The following SYBU variants were observed in gnomAD, a reference collection of about 807,000 sequenced individuals.
SYBU encodes the protein GOLSYN A protein.
Under a neutral mutation model 35.9 loss-of-function variants are expected in SYBU, and 21 were observed. The ratio of observed to expected loss-of-function variants is 0.58; its 90% CI spans 0.41 to 0.84. The LOEUF is 0.84. Among genes scored for constraint, SYBU ranks in the 40% least tolerant of loss-of-function variants. The pLI is 0.00. For missense variants in SYBU, 768 were observed against 848.2 expected, an observed-to-expected ratio of 0.91 and a Z score of 1.17; for synonymous variants, 319 against 324.3, an observed-to-expected ratio of 0.98 and a Z score of 0.18.
chr8:109,581,671 T>C (rs2131233222), intron 4 of SYBU, among the ~76,000 whole-genome samples: 1 of 152,330 alleles, frequency 6.6e-6, no homozygotes, highest in Middle Eastern at 3.4e-3. Flanking sequence ...CAATTTTAAT[T>C]ACAGCTGTAT....
At chr8:109,616,464 C>T (rs1285682111) in intron 3 of SYBU, among the ~76,000 whole-genome samples, 2 of 152,048 alleles carry the variant, frequency 1.3e-5, no homozygotes, top group Non-Finnish European at 1.5e-5. Flanking sequence ...ATTTTGTTAA[C>T]ATATAATTAT....
At chr8:109,659,074 C>T (rs1228687740) in intron 1 of SYBU, among the ~76,000 whole-genome samples, 2 of 152,142 alleles carry the variant, frequency 1.3e-5, no homozygotes, top group Admixed American at 1.3e-4. Flanking sequence ...GTAGAACTTA[C>T]ATATCATTTC....
chr8:109,670,066 T>C (rs1420648055), intron 1 of SYBU, among the ~76,000 whole-genome samples: 2 of 151,950 alleles, frequency 1.3e-5, no homozygotes, highest in Admixed American at 6.6e-5. Context: ...TATTCTGTTA[T>C]TAGCTGTCAG....
intron 3 of SYBU, among the ~76,000 whole-genome samples, chr8:109,604,161 C>T (rs1202597485): frequency 2.0e-5 from 3 of 151,758 alleles, no homozygotes; most frequent in African/African-American, 7.3e-5. Context: ...AAGGAGCCAT[C>T]TAAAAAATTA....
At chr8:109,612,947 T>A (rs1293177798) in intron 3 of SYBU, among the ~76,000 whole-genome samples, 7 of 135,440 alleles carry the variant, frequency 5.2e-5, no homozygotes, top group African/African-American at 1.9e-4. Flanking sequence ...GCCACTGCAC[T>A]CCAGCCTGGG....
intron 1 of SYBU, among the ~76,000 whole-genome samples, chr8:109,659,663 C>T (rs956277588): frequency 6.6e-6 from 1 of 152,170 alleles, no homozygotes; most frequent in African/African-American, 2.4e-5. Context: ...CTCTCCCACA[C>T]TAAGAACAAT....
At position 109,575,530 on chromosome 8, in the gene SYBU, C is replaced by T; in HGVS notation, c.1368G>A (p.Leu456=). 1.2e-6 allele frequency: 2 copies of T among 1,614,168 alleles called. No individual in the cohort carries two copies. Among genetic ancestry groups the T allele is most frequent in the Non-Finnish European group, 1.7e-6 (2 of 1,180,044 alleles). The change falls in exon 7 of 7, where the codon CTG becomes CTA. Residue 456 remains leucine (L), a synonymous_variant. Coordinates refer to ENST00000276646, the MANE Select transcript of SYBU (RefSeq NM_001099754.2). The part of the protein sequence containing the change: ...VTATTTESGD[L]ELVHSTPGAN... ...CCCCAGGGGTGGAATGCACAAGCTC[C>T]AGGTCACCAGATTCTGTGGTGGTGG...
At chr8:109,633,284 C>T (rs959213432) in intron 2 of SYBU, among the ~76,000 whole-genome samples, 1 of 152,104 alleles carries the variant, frequency 6.6e-6, no homozygotes, top group Non-Finnish European at 1.5e-5. Flanking sequence ...ATCCTAACTG[C>T]CTGGTCACCC....
chr8:109,579,555 C>T (rs1157160945), intron 5 of SYBU, among the ~76,000 whole-genome samples: 1 of 152,060 alleles, frequency 6.6e-6, no homozygotes, highest in Non-Finnish European at 1.5e-5. Context: ...CTCCTGCTGC[C>T]TCTGTGGCAT....
chr8:109,683,217 G>A (rs1415690913), upstream of SYBU, among the ~76,000 whole-genome samples: 1 of 152,188 alleles, frequency 6.6e-6, no homozygotes, highest in Non-Finnish European at 1.5e-5. Flanking sequence ...CTGTGTGCCT[G>A]GAAAAGCCAC....
At position 109,625,985 on chromosome 8, in the gene SYBU, AAAGTT is replaced by A. The variant is rs574174722; in HGVS notation, c.230-6951_230-6947del. ...AAATATTATTTGGTTTACATTTCTTAAAGTTAATTAAAAACAAATTTTGATGTCTT... is the reference window on the plus strand; with the variant it reads ...AAATATTATTTGGTTTACATTTCTTAAATTAAAAACAAATTTTGATGTCTT... On this transcript the variant is annotated intron_variant, in intron 2 of 6. Transcript: ENST00000276646. Among the ~76,000 whole-genome samples the A allele has an allele frequency of 3.3e-5, 5 of 152,346 alleles. No individual in the cohort carries two copies. In the East Asian group the frequency reaches 9.6e-4, roughly 29 times the overall value.
chr8:109,596,198 A>T (rs572487204), intron 3 of SYBU, among the ~76,000 whole-genome samples: 1 of 152,276 alleles, frequency 6.6e-6, no homozygotes, highest in Admixed American at 6.5e-5. Flanking sequence ...ACATTTCATT[A>T]TTTTCTCTAT....
upstream of SYBU, among the ~76,000 whole-genome samples, chr8:109,683,526 A>G (rs1817452976): frequency 6.6e-6 from 1 of 152,090 alleles, no homozygotes; most frequent in Non-Finnish European, 1.5e-5. Flanking sequence ...CTTGCTTTTA[A>G]TTTTGCAGGC....
intron 2 of SYBU, among the ~76,000 whole-genome samples, chr8:109,641,370 G>A (rs73319195): frequency 0.044 from 6,638 of 152,276 alleles, 453 homozygotes; most frequent in African/African-American, 0.15. Context: ...TGTAAGCCAG[G>A]TACCGTGTAA....
chr8:109,621,289 T>C (rs1812371905), intron 2 of SYBU, among the ~76,000 whole-genome samples: 1 of 152,232 alleles, frequency 6.6e-6, no homozygotes, highest in Non-Finnish European at 1.5e-5. Context: ...GATTAAGTGC[T>C]GGGGTCTGGT....
intron 1 of SYBU, among the ~76,000 whole-genome samples, chr8:109,688,517 A>T (rs1817570490): frequency 6.6e-6 from 1 of 152,180 alleles, no homozygotes; most frequent in African/African-American, 2.4e-5. Context: ...CAAAGAAAAA[A>T]CACCCTGATG....
intron 1 of SYBU, among the ~76,000 whole-genome samples, chr8:109,661,464 AG>A (rs1379029960): frequency 1.3e-5 from 2 of 152,216 alleles, no homozygotes. Context: ...AGGCTTAGAC[AG>A]GGATGTCCCT....
In SYBU at chr8:109,676,457, A is replaced by G. The variant is rs557535152; in HGVS notation, c.-129+4254T>C. On this transcript the variant is annotated intron_variant, in intron 1 of 5. Transcript: ENST00000408889. ...CTCAAAGTCTTAGGATACAATATCA[A>G]TGTGCAAAAATCACAAGCATTCTTA... Among the ~76,000 whole-genome samples, 11 of 152,352 alleles carry G rather than the reference A, an allele frequency of 7.2e-5. No individual in the cohort carries two copies. The East Asian group carries it at 1.2e-3, about 16-fold the overall frequency.
intron 2 of SYBU, among the ~76,000 whole-genome samples, chr8:109,638,686 A>G (rs28692881): frequency 0.01 from 1,535 of 152,304 alleles, 6 homozygotes; most frequent in Middle Eastern, 0.051. Flanking sequence ...TGCACATAAA[A>G]TAGGGCCTGA....
Sources: allele counts gnomAD v4.1 joint callset (sites outside exome capture counted in the v4.1 genomes callset), GRCh38; gene constraint gnomAD v4.1.1; transcripts MANE v1.5; gene names NCBI Gene and HGNC (gene_info 2026-07-23, HGNC 2026-07-21).